LRBA: variants seen among roughly 807,000 people sequenced by gnomAD.
LRBA encodes the protein lipopolysaccharide-responsive and beige-like anchor protein.
In LRBA, 176 loss-of-function variants were observed where a neutral mutation model predicts 330.0. That is an observed-to-expected ratio of 0.53 (90% CI 0.47 to 0.60). The LOEUF (loss-of-function observed/expected upper bound fraction) is 0.60, where lower values mean the gene tolerates loss of function less well. Among genes scored for constraint, LRBA ranks in the 20% least tolerant of loss-of-function variants. The pLI, the probability that LRBA is intolerant of heterozygous loss-of-function variation, is 0.00. For missense variants in LRBA, 3,259 were observed against 3,444.8 expected, an observed-to-expected ratio of 0.95 and a Z score of 1.35; for synonymous variants, 1,230 against 1,193.0, an observed-to-expected ratio of 1.03 and a Z score of -0.64.
chr4:150,695,255 A>G (rs1300073164), intron 36 of LRBA, among the ~76,000 whole-genome samples: 1 of 152,192 alleles, frequency 6.6e-6, no homozygotes, highest in Admixed American at 6.5e-5. Context: ...AAACTATAGT[A>G]TGAGACAAAA....
intron 31 of LRBA, among the ~76,000 whole-genome samples, chr4:150,816,553 G>C (rs1744621375): frequency 6.6e-6 from 1 of 151,822 alleles, no homozygotes; most frequent in African/African-American, 2.4e-5. Flanking sequence ...AATGTAGAAG[G>C]AGAGATGGAC....
chr4:150,809,919 CG>C (rs1743457651), intron 31 of LRBA, among the ~76,000 whole-genome samples: 1 of 149,680 alleles, frequency 6.7e-6, no homozygotes, highest in Non-Finnish European at 1.5e-5. Flanking sequence ...CGATACGATA[CG>C]ATACGATACG....
intron 2 of LRBA, among the ~76,000 whole-genome samples, chr4:150,962,989 ATAAAT>A (rs1738330144): frequency 7.7e-6 from 1 of 129,604 alleles, no homozygotes; most frequent in Admixed American, 8.6e-5. Flanking sequence ...AGAAATAAAA[ATAAAT>A]AAAATAAAAT....
intron 9 of LRBA, among the ~76,000 whole-genome samples, chr4:150,910,940 T>C (rs1384743316): frequency 6.6e-6 from 1 of 152,216 alleles, no homozygotes; most frequent in Non-Finnish European, 1.5e-5. Flanking sequence ...TTATCCTTGT[T>C]GATGCTATTG....
intron 44 of LRBA, among the ~76,000 whole-genome samples, chr4:150,457,212 T>TA (rs1754192420): frequency 6.6e-6 from 1 of 152,132 alleles, no homozygotes; most frequent in Admixed American, 6.6e-5. Context: ...TCACACTTTT[T>TA]AAAAAATTCC....
chr4:150,860,917 T>C (rs1410639341), intron 22 of LRBA, among the ~76,000 whole-genome samples: 1 of 152,182 alleles, frequency 6.6e-6, no homozygotes, highest in Non-Finnish European at 1.5e-5. Context: ...AATTTCATCA[T>C]GTGAACACCA....
chr4:150,604,968 T>G (rs1243131912), intron 37 of LRBA, among the ~76,000 whole-genome samples: 2 of 152,066 alleles, frequency 1.3e-5, no homozygotes, highest in African/African-American at 4.8e-5. Context: ...AGTGGACATA[T>G]TAGGAAGATG....
At chr4:150,864,972 G>A (rs950179350) in intron 22 of LRBA, among the ~76,000 whole-genome samples, 1 of 152,038 alleles carries the variant, frequency 6.6e-6, no homozygotes, top group Non-Finnish European at 1.5e-5. Flanking sequence ...TTTTAACAAC[G>A]ATTGCTTTAA....
intron 2 of LRBA, among the ~76,000 whole-genome samples, chr4:150,938,227 TTAAC>T (rs1735301543): frequency 6.6e-6 from 1 of 152,288 alleles, no homozygotes; most frequent in Admixed American, 6.5e-5. Context: ...ATTTATAAAA[TTAAC>T]TAAGAGTAAG....
At chr4:150,544,335 C>G (rs911849642) in intron 40 of LRBA, among the ~76,000 whole-genome samples, 1 of 152,084 alleles carries the variant, frequency 6.6e-6, no homozygotes, top group Non-Finnish European at 1.5e-5. Flanking sequence ...GCCATGTTGG[C>G]CAGGCTGGTC....
At chr4:150,615,915 G>A (rs916476058) in intron 37 of LRBA, among the ~76,000 whole-genome samples, 6 of 152,138 alleles carry the variant, frequency 3.9e-5, no homozygotes, top group African/African-American at 1.2e-4. Flanking sequence ...ACCTTCCACT[G>A]TTTTGATGCA....
At chr4:150,652,134 C>T (rs928979615) in intron 37 of LRBA, among the ~76,000 whole-genome samples, 2 of 152,130 alleles carry the variant, frequency 1.3e-5, no homozygotes, top group Non-Finnish European at 2.9e-5. Context: ...CTACGCGGGG[C>T]ACCAATATCA....
At chr4:150,840,882 A>T in intron 28 of LRBA, 1 of 999,788 alleles carries the variant, frequency 1.0e-6, no homozygotes, top group Non-Finnish European at 1.3e-6. Context: ...TAAAAATGAG[A>T]CTAATTGTTA....
At chr4:150,804,703 A>G (rs1742279833) in intron 33 of LRBA, among the ~76,000 whole-genome samples, 1 of 152,210 alleles carries the variant, frequency 6.6e-6, no homozygotes, top group Non-Finnish European at 1.5e-5. Context: ...CTAAACCATC[A>G]ATCACGGGCC....
chr4:150,522,438 C>T (rs1469863378), intron 40 of LRBA, among the ~76,000 whole-genome samples: 3 of 152,190 alleles, frequency 2.0e-5, no homozygotes, highest in African/African-American at 4.8e-5. Context: ...AAGTCAGATG[C>T]TATTCATCAA....
intron 37 of LRBA, among the ~76,000 whole-genome samples, chr4:150,638,427 G>C (rs1051464065): frequency 3.9e-5 from 6 of 151,964 alleles, no homozygotes; most frequent in Non-Finnish European, 5.9e-5. Context: ...TATTCTTTTT[G>C]TTGGCTTAAA....
intron 44 of LRBA, among the ~76,000 whole-genome samples, chr4:150,464,436 A>C (rs911050535): frequency 1.3e-5 from 2 of 152,108 alleles, no homozygotes; most frequent in Admixed American, 1.3e-4. Context: ...TGCATGGCTC[A>C]TTACACAAGT....
In LRBA at chr4:150,321,396, C is replaced by A; in HGVS notation, c.7453-28G>T. The A allele has an allele frequency of 6.6e-7, 1 of 1,522,982 alleles. No homozygotes were observed. Among genetic ancestry groups the A allele is most frequent in the Non-Finnish European group, 8.8e-7 (1 of 1,141,688 alleles). The allele number at this position is 1,522,982 out of a possible 1,614,324, so 94.3% of individuals were successfully genotyped here. ...GCAGGAGGAGATACTGTTGAGTGGG[C>A]ATGACAAGACCCAAATAGACAAGAA... On this transcript the variant is annotated intron_variant, in intron 49 of 56. Coordinates refer to ENST00000651943, the MANE Select transcript of LRBA (RefSeq NM_001364905.1). The surrounding 1 kb of genome is among the most constrained non-coding windows in gnomAD (Gnocchi z 4.5).
intron 37 of LRBA, among the ~76,000 whole-genome samples, chr4:150,624,230 A>G (rs903649692): frequency 6.6e-6 from 1 of 152,016 alleles, no homozygotes; most frequent in Non-Finnish European, 1.5e-5. Context: ...TGTTGCTCAA[A>G]CAATTTGAAT....
Sources: allele counts gnomAD v4.1 joint callset (sites outside exome capture counted in the v4.1 genomes callset), GRCh38; gene constraint gnomAD v4.1.1; non-coding constraint Gnocchi (gnomAD v3.1); transcripts MANE v1.5; gene names NCBI Gene and HGNC (gene_info 2026-07-23, HGNC 2026-07-21).